The following ERP44 variants were observed in gnomAD, a reference collection of about 807,000 sequenced individuals.
The protein encoded by ERP44 is endoplasmic reticulum resident protein 44.
A neutral mutation model predicts 53.4 loss-of-function variants in ERP44; 25 were observed. That is an observed-to-expected ratio of 0.47 (90% confidence interval 0.34 to 0.65). ERP44 has a LOEUF of 0.65. Ranked by LOEUF, ERP44 falls within the 30% of genes least tolerant of loss-of-function variation. The pLI is 0.01. For missense variants in ERP44, 338 were observed against 493.2 expected (o/e 0.69, Z 2.98); for synonymous variants, 145 against 161.2 (o/e 0.90, Z 0.76).
intron 1 of ERP44, among the ~76,000 whole-genome samples, chr9:100,093,824 C>T (rs550061210): frequency 6.6e-6 from 1 of 152,320 alleles, no homozygotes; most frequent in South Asian, 2.1e-4. Context: ...AATTAAAATA[C>T]ATTGAGATAC....
At chr9:100,060,666 C>T (rs1826136946) in intron 1 of ERP44, among the ~76,000 whole-genome samples, 1 of 152,068 alleles carries the variant, frequency 6.6e-6, no homozygotes, top group South Asian at 2.1e-4. Flanking sequence ...TTATTGGTGA[C>T]AACAATGTGT....
chr9:100,068,492 G>C (rs866494827), intron 1 of ERP44, among the ~76,000 whole-genome samples: 24 of 141,558 alleles, frequency 1.7e-4, no homozygotes, highest in African/African-American at 5.7e-4. Flanking sequence ...CCCTCTGCCC[G>C]GCCAGCCGCC....
chr9:100,080,472 T>C (rs550880135), intron 1 of ERP44, among the ~76,000 whole-genome samples: 13 of 152,172 alleles, frequency 8.5e-5, no homozygotes, highest in East Asian at 1.9e-4. Flanking sequence ...ATGAAAGCAC[T>C]GCACCAGCTA....
At chr9:100,071,093 G>GTGT (rs1554710303) in intron 1 of ERP44, among the ~76,000 whole-genome samples, 3 of 119,574 alleles carry the variant, frequency 2.5e-5, no homozygotes, top group East Asian at 5.2e-4. Context: ...ATTATATAAG[G>GTGT]TTTTTTTTTT....
rs564303911 is a variant in ERP44 at position 100,076,631 on chromosome 9, C to A, written c.58-16459G>T. Among the ~76,000 whole-genome samples, 10 of 152,316 alleles carry A rather than the reference C, an allele frequency of 6.6e-5. No homozygotes were observed. In the East Asian group the frequency reaches 1.2e-3, roughly 18 times the overall value. On this transcript the variant is annotated intron_variant, in intron 1 of 11. Transcript: ENST00000262455. Reference sequence around the variant, plus strand: ...CTAGATATGTGATTATATACTGATTCATGGGCTGTAGCCAATGGGGATGGT... The same window carrying A: ...CTAGATATGTGATTATATACTGATTAATGGGCTGTAGCCAATGGGGATGGT...
chr9:100,057,798 C>T, intron 3 of ERP44, 22 bp downstream of exon 3: 6 of 1,590,684 alleles, frequency 3.8e-6, no homozygotes, highest in Non-Finnish European at 5.1e-6. Flanking sequence ...CAAAACCAAA[C>T]CCAAACAATA....
intron 1 of ERP44, among the ~76,000 whole-genome samples, chr9:100,093,430 G>A (rs1258133003): frequency 6.6e-6 from 1 of 152,194 alleles, no homozygotes; most frequent in African/African-American, 2.4e-5. Flanking sequence ...GATCGCTTGA[G>A]CCCAGGAGTT....
intron 1 of ERP44, among the ~76,000 whole-genome samples, chr9:100,094,820 C>T (rs944786655): frequency 6.6e-6 from 1 of 151,472 alleles, no homozygotes; most frequent in Admixed American, 6.6e-5. Context: ...AAAAATTAGC[C>T]AGGTGTGGTA....
At chr9:100,061,098 TATAAA>T (rs1453715904) in intron 1 of ERP44, among the ~76,000 whole-genome samples, 1 of 152,200 alleles carries the variant, frequency 6.6e-6, no homozygotes, top group Non-Finnish European at 1.5e-5. Context: ...ATCTAAATGC[TATAAA>T]GAGATACAAT....
At chr9:100,048,183 A>AG (rs1825996854) in intron 4 of ERP44, among the ~76,000 whole-genome samples, 1 of 151,884 alleles carries the variant, frequency 6.6e-6, no homozygotes, top group Admixed American at 6.6e-5. Flanking sequence ...GGGTGGGTGG[A>AG]GGGGGGAGGG....
At chr9:100,027,602 A>G (rs891788005) in intron 4 of ERP44, among the ~76,000 whole-genome samples, 1 of 152,218 alleles carries the variant, frequency 6.6e-6, no homozygotes, top group Admixed American at 6.5e-5. Context: ...GGAATTATAA[A>G]TCCCAGAAGG....
intron 2 of ERP44, among the ~76,000 whole-genome samples, chr9:100,059,847 T>C (rs1046013513): frequency 1.3e-5 from 2 of 152,208 alleles, no homozygotes; most frequent in Admixed American, 6.5e-5. Flanking sequence ...GTGAGAACTA[T>C]TGGTCTCTAA....
At chr9:100,079,413 TACACACACACACACACACACAC>T (rs58110423) in intron 1 of ERP44, among the ~76,000 whole-genome samples, 5 of 137,270 alleles carry the variant, frequency 3.6e-5, no homozygotes, top group Admixed American at 3.0e-4. Flanking sequence ...AACTCCCCTT[TACACACACACACACACACACAC>T]ACACACACAC....
intron 4 of ERP44, among the ~76,000 whole-genome samples, chr9:100,032,889 A>G (rs906251940): frequency 4.6e-5 from 7 of 152,238 alleles, no homozygotes; most frequent in Non-Finnish European, 1.0e-4. Context: ...GTTCGTGACT[A>G]TTAAGCAAGA....
intron 8 of ERP44, among the ~76,000 whole-genome samples, chr9:100,013,126 A>G (rs1282350394): frequency 1.3e-5 from 2 of 152,222 alleles, no homozygotes; most frequent in Non-Finnish European, 2.9e-5. Context: ...TAAGAGCTGG[A>G]AGCCTCTGGA....
chr9:100,076,362 C>G (rs561707010), intron 1 of ERP44, among the ~76,000 whole-genome samples: 4 of 152,332 alleles, frequency 2.6e-5, no homozygotes, highest in Admixed American at 2.0e-4. Flanking sequence ...CTTCTCTTCC[C>G]CAACCTGCAC....
At chr9:100,067,843 G>A (rs1456144473) in intron 1 of ERP44, among the ~76,000 whole-genome samples, 4 of 150,922 alleles carry the variant, frequency 2.7e-5, no homozygotes, top group Admixed American at 6.6e-5. Context: ...CTGCCTGGCC[G>A]CCCCGTCTGA....
At chr9:100,052,722 T>C (rs1468379239) in intron 3 of ERP44, among the ~76,000 whole-genome samples, 190 bp from the exon 4 acceptor site, 1 of 152,198 alleles carries the variant, frequency 6.6e-6, no homozygotes, top group Non-Finnish European at 1.5e-5. Flanking sequence ...AAAGACTGTA[T>C]ACCAATTCTA....
At position 100,095,085 on chromosome 9, in the gene ERP44, A is replaced by G. The variant is rs191892231; in HGVS notation, c.57+3699T>C. On this transcript the variant is annotated intron_variant, in intron 1 of 11. Coordinates refer to ENST00000262455, the MANE Select transcript of ERP44 (RefSeq NM_015051.3). The stretch of plus-strand genomic sequence containing the variant: ...TTAGCTTTACAGATTTAGTTTTGGA[A>G]GAGATTTTATATAATTATAAAATAA... Among the ~76,000 whole-genome samples, 6 of 152,252 alleles carry G rather than the reference A, an allele frequency of 3.9e-5. No homozygotes were observed. The East Asian group carries it at 7.7e-4, about 20-fold the overall frequency.
Sources: gnomAD v4.1 joint callset for allele counts (sites outside exome capture counted in the v4.1 genomes callset) on GRCh38, gnomAD v4.1.1 for gene constraint, MANE v1.5 for transcripts, NCBI Gene and HGNC (gene_info 2026-07-23, HGNC 2026-07-21) for gene names.